The following ZBTB7C variants were observed in gnomAD, a reference collection of about 807,000 sequenced individuals.
The protein encoded by ZBTB7C is zinc finger and BTB domain containing 7C, also known as zinc finger and BTB domain-containing protein 7C.
Under a neutral mutation model 25.7 loss-of-function variants are expected in ZBTB7C, and 8 were observed. The observed-to-expected ratio is 0.31, with a 90% CI of 0.18 to 0.56. The LOEUF (loss-of-function observed/expected upper bound fraction) is 0.56, where lower values mean the gene tolerates loss of function less well. ZBTB7C is among the 20% of genes least tolerant of loss of function. ZBTB7C has a pLI of 0.91. For missense variants in ZBTB7C, 824 were observed against 855.2 expected, an observed-to-expected ratio of 0.96 and a Z score of 0.46; for synonymous variants, 394 against 369.0, an observed-to-expected ratio of 1.07 and a Z score of -0.78.
At chr18:48,404,078 C>T (rs28439422) in intron 1 of ZBTB7C, among the ~76,000 whole-genome samples, 1 of 152,158 alleles carries the variant, frequency 6.6e-6, no homozygotes, top group Non-Finnish European at 1.5e-5. Context: ...CATGGTAAAA[C>T]CCCGTCTCTA....
At chr18:48,295,531 C>A (rs1431776693) in intron 2 of ZBTB7C, among the ~76,000 whole-genome samples, 1 of 152,084 alleles carries the variant, frequency 6.6e-6, no homozygotes, top group Non-Finnish European at 1.5e-5. Context: ...CTTCTAGGAC[C>A]CAAGCCCAAG....
At chr18:48,401,736 C>T (rs1312082777) in intron 1 of ZBTB7C, among the ~76,000 whole-genome samples, 1 of 152,138 alleles carries the variant, frequency 6.6e-6, no homozygotes, top group African/African-American at 2.4e-5. Flanking sequence ...CCCCCGGTCC[C>T]AGTCTTGACT....
chr18:48,039,806 G>T, intron 4 of ZBTB7C, 94 bp downstream of exon 4: 1 of 1,312,178 alleles, frequency 7.6e-7, no homozygotes, highest in Non-Finnish European at 1.1e-6. Context: ...GATCTATCTG[G>T]GTCTCTGTCT....
chr18:48,308,185 A>G (rs17750898), intron 2 of ZBTB7C, among the ~76,000 whole-genome samples: 27,109 of 152,168 alleles, frequency 0.18, 2,514 homozygotes, highest in African/African-American at 0.21. Flanking sequence ...AAGATTAGGT[A>G]TGTACAGACA....
intron 3 of ZBTB7C, among the ~76,000 whole-genome samples, chr18:48,136,070 C>A (rs1349202486): frequency 6.6e-6 from 1 of 152,068 alleles, no homozygotes; most frequent in Non-Finnish European, 1.5e-5. Flanking sequence ...GGATGCTCCG[C>A]GCGGGGTGGG....
chr18:48,098,371 C>T (rs2038714529), intron 3 of ZBTB7C, among the ~76,000 whole-genome samples: 1 of 152,150 alleles, frequency 6.6e-6, no homozygotes. Flanking sequence ...TTTCTCAGTG[C>T]TGTTGTTTAG....
chr18:48,384,645 A>G (rs963125916), intron 1 of ZBTB7C, among the ~76,000 whole-genome samples: 12 of 151,830 alleles, frequency 7.9e-5, no homozygotes, highest in Non-Finnish European at 1.6e-4. Flanking sequence ...TTTTTTTTTT[A>G]GCTTATCAGC....
At chr18:48,036,697 C>A (rs775816477) in intron 4 of ZBTB7C, among the ~76,000 whole-genome samples, 25 of 152,116 alleles carry the variant, frequency 1.6e-4, no homozygotes, top group Non-Finnish European at 2.9e-4. Context: ...CAGGAAGTGG[C>A]GTGGCCTTGG....
intron 2 of ZBTB7C, among the ~76,000 whole-genome samples, chr18:48,239,550 T>C (rs2144346863): frequency 6.6e-6 from 1 of 152,302 alleles, no homozygotes; most frequent in East Asian, 1.9e-4. Context: ...CAGGACTCTT[T>C]GCAGACACTC....
At chr18:48,349,436 T>C (rs962052465) in intron 1 of ZBTB7C, among the ~76,000 whole-genome samples, 1 of 152,164 alleles carries the variant, frequency 6.6e-6, no homozygotes, top group Non-Finnish European at 1.5e-5. Context: ...AGGGAGTCCC[T>C]ATAATATGTT....
chr18:48,312,315 C>T (rs1256634301), intron 2 of ZBTB7C, among the ~76,000 whole-genome samples: 1 of 152,210 alleles, frequency 6.6e-6, no homozygotes, highest in Admixed American at 6.5e-5. Context: ...CTACCTACCC[C>T]GAACCCCAGA....
chr18:48,382,181 A>T (rs566676398), intron 1 of ZBTB7C, among the ~76,000 whole-genome samples: 2 of 152,362 alleles, frequency 1.3e-5, no homozygotes, highest in Admixed American at 1.3e-4. Context: ...CTAAAACTGA[A>T]AAATCAAGAT....
intron 3 of ZBTB7C, chr18:48,162,521 G>A (rs2041099370): frequency 4.8e-6 from 2 of 414,986 alleles, no homozygotes; most frequent in African/African-American, 4.0e-5. Flanking sequence ...TTTGGGGTTT[G>A]GCAGAGGGAT....
intron 3 of ZBTB7C, among the ~76,000 whole-genome samples, chr18:48,131,979 G>A (rs2039999777): frequency 6.6e-6 from 1 of 152,118 alleles, no homozygotes; most frequent in South Asian, 2.1e-4. Context: ...AAACATTCTG[G>A]TAGTTTCCCA....
chr18:48,160,565 TC>T (rs1016020571), intron 3 of ZBTB7C, among the ~76,000 whole-genome samples: 2 of 152,096 alleles, frequency 1.3e-5, no homozygotes, highest in African/African-American at 4.8e-5. Context: ...CTGTTAAAGA[TC>T]CCGGTTAAAT....
chr18:48,155,188 C>T (rs1191725338), intron 3 of ZBTB7C, among the ~76,000 whole-genome samples: 4 of 152,114 alleles, frequency 2.6e-5, no homozygotes, highest in African/African-American at 9.7e-5. Flanking sequence ...ATTCTCTGAC[C>T]TCTTTTGTCA....
chr18:48,218,137 A>G (rs1344466264), intron 2 of ZBTB7C, among the ~76,000 whole-genome samples: 1 of 152,112 alleles, frequency 6.6e-6, no homozygotes, highest in African/African-American at 2.4e-5. Context: ...GTGGCTCACT[A>G]GACCTGGCAG....
intron 3 of ZBTB7C, among the ~76,000 whole-genome samples, chr18:48,182,374 G>A (rs1478155618): frequency 6.6e-6 from 1 of 152,142 alleles, no homozygotes; most frequent in Non-Finnish European, 1.5e-5. Context: ...AGCTCAATTT[G>A]GAAAATGTAC....
At chr18:48,293,795 A>G (rs908407345) in intron 2 of ZBTB7C, among the ~76,000 whole-genome samples, 9 of 152,174 alleles carry the variant, frequency 5.9e-5, no homozygotes, top group Non-Finnish European at 1.0e-4. Flanking sequence ...AAAAAAAAAT[A>G]TAAATAAAGA....
Sources: allele counts gnomAD v4.1 joint callset (sites outside exome capture counted in the v4.1 genomes callset), GRCh38; gene constraint gnomAD v4.1.1; transcripts MANE v1.5; gene names NCBI Gene and HGNC (gene_info 2026-07-23, HGNC 2026-07-21).